Variants in SOX5 observed in about 807,000 individuals in gnomAD.
SOX5 encodes SRY-box transcription factor 5.
In SOX5, 9 loss-of-function variants were observed where a neutral mutation model predicts 92.0. The observed-to-expected ratio is 0.10, with a 90% confidence interval of 0.06 to 0.17. The LOEUF is 0.17. Ranked by LOEUF, SOX5 falls within the 10% of genes least tolerant of loss-of-function variation. SOX5 has a pLI of 1.00. For missense variants in SOX5, 642 were observed against 944.5 expected (o/e 0.68, Z 4.20); for synonymous variants, 344 against 336.3 (o/e 1.02, Z -0.25).
intron 4 of SOX5, among the ~76,000 whole-genome samples, chr12:24,104,472 A>C (rs1268429362): frequency 6.6e-6 from 1 of 152,070 alleles, no homozygotes; most frequent in Non-Finnish European, 1.5e-5. Flanking sequence ...AATTTGAAAA[A>C]CCTCTAAAAA....
At chr12:24,002,901 C>T (rs1370198968) in intron 4 of SOX5, among the ~76,000 whole-genome samples, 1 of 148,142 alleles carries the variant, frequency 6.8e-6, no homozygotes, top group Non-Finnish European at 1.5e-5. Flanking sequence ...AAATATTCAT[C>T]ATGTATATAG....
At chr12:24,240,960 T>C (rs2140060789) in intron 3 of SOX5, among the ~76,000 whole-genome samples, 2 of 152,324 alleles carry the variant, frequency 1.3e-5, no homozygotes, top group East Asian at 3.9e-4. Flanking sequence ...GGTTCCTAAA[T>C]CTTTTCATGA....
At chr12:23,964,786 C>T (rs1415649502) in intron 4 of SOX5, among the ~76,000 whole-genome samples, 1 of 152,188 alleles carries the variant, frequency 6.6e-6, no homozygotes, top group Non-Finnish European at 1.5e-5. Flanking sequence ...CATATAAATA[C>T]ATATATATGG....
chr12:24,316,210 A>G (rs375389544), intron 2 of SOX5, among the ~76,000 whole-genome samples: 2 of 152,288 alleles, frequency 1.3e-5, no homozygotes. Context: ...ATCTTTAGCT[A>G]TATCTTTAGA....
chr12:23,750,213 G>C (rs2094138746), intron 4 of SOX5, among the ~76,000 whole-genome samples: 1 of 151,910 alleles, frequency 6.6e-6, no homozygotes, highest in Non-Finnish European at 1.5e-5. Context: ...TGTGGTGTCT[G>C]ATAATTAATT....
At chr12:23,953,919 T>C (rs1336269976), upstream of SOX5, among the ~76,000 whole-genome samples, 2 of 152,144 alleles carry the variant, frequency 1.3e-5, no homozygotes, top group East Asian at 1.9e-4. Flanking sequence ...GTTGTTTCCA[T>C]TGCAGATATA....
intron 3 of SOX5, among the ~76,000 whole-genome samples, chr12:24,219,229 T>C (rs1959803242): frequency 6.6e-6 from 1 of 152,070 alleles, no homozygotes; most frequent in Non-Finnish European, 1.5e-5. Flanking sequence ...GAATAAGATC[T>C]AGTGTTTGGT....
intron 4 of SOX5, among the ~76,000 whole-genome samples, chr12:24,026,206 G>A (rs180904514): frequency 2.0e-4 from 30 of 152,120 alleles, no homozygotes; most frequent in African/African-American, 6.3e-4. Context: ...GGGTAACCAC[G>A]GGAGTGAAGG....
chr12:24,455,363 T>C (rs959022677), intron 1 of SOX5, among the ~76,000 whole-genome samples: 2 of 152,230 alleles, frequency 1.3e-5, no homozygotes, highest in African/African-American at 4.8e-5. Context: ...TATTATTTTT[T>C]AGATGTCTCA....
At chr12:23,842,737 G>A (rs552986438) in intron 3 of SOX5, among the ~76,000 whole-genome samples, 25 of 152,058 alleles carry the variant, frequency 1.6e-4, no homozygotes, top group Non-Finnish European at 3.4e-4. Flanking sequence ...ATAAATATTC[G>A]TGAATTCATA....
chr12:24,247,848 T>C (rs1000470823), intron 3 of SOX5, among the ~76,000 whole-genome samples: 4 of 151,886 alleles, frequency 2.6e-5, no homozygotes, highest in Admixed American at 2.0e-4. Context: ...GAGACGGGGT[T>C]TCACCATGTT....
At chr12:24,127,113 C>T (rs576949493) in intron 4 of SOX5, among the ~76,000 whole-genome samples, 1 of 152,032 alleles carries the variant, frequency 6.6e-6, no homozygotes, top group African/African-American at 2.4e-5. Flanking sequence ...TGATGCCAGG[C>T]ACAGTGGCTC....
intron 4 of SOX5, among the ~76,000 whole-genome samples, chr12:23,968,466 A>T (rs1328153324): frequency 1.3e-5 from 2 of 152,152 alleles, no homozygotes; most frequent in African/African-American, 4.8e-5. Flanking sequence ...TCATGAATGG[A>T]TTAATGCTGT....
chr12:24,026,161 GGCTCTTTT>G (rs1213955407), intron 4 of SOX5, among the ~76,000 whole-genome samples: 2 of 151,994 alleles, frequency 1.3e-5, no homozygotes, highest in African/African-American at 4.8e-5. Flanking sequence ...TTGGCAGTTT[GGCTCTTTT>G]GCTTCCTAAA....
intron 7 of SOX5, among the ~76,000 whole-genome samples, chr12:23,648,817 G>T (rs979824535): frequency 4.7e-4 from 71 of 152,182 alleles, no homozygotes; most frequent in African/African-American, 1.7e-3. Flanking sequence ...CAATATATTT[G>T]GTGTCTAAGT....
chr12:23,968,940 C>A (rs1010268280), intron 4 of SOX5, among the ~76,000 whole-genome samples: 1 of 152,144 alleles, frequency 6.6e-6, no homozygotes, highest in African/African-American at 2.4e-5. Flanking sequence ...AAGACTATTT[C>A]TATTTCAGAC....
chr12:23,995,066 C>CTT (rs774432439), intron 4 of SOX5, among the ~76,000 whole-genome samples: 48 of 152,304 alleles, frequency 3.2e-4, no homozygotes, highest in Middle Eastern at 3.4e-3. Context: ...GTCCCTGGTG[C>CTT]TTCTAAGCAC....
chr12:24,437,613 A>C (rs911159693), intron 1 of SOX5, among the ~76,000 whole-genome samples: 1 of 152,232 alleles, frequency 6.6e-6, no homozygotes, highest in Admixed American at 6.5e-5. Flanking sequence ...ACCCCATCAA[A>C]AAGTGGGTGA....
intron 6 of SOX5, among the ~76,000 whole-genome samples, chr12:23,720,244 T>C (rs531000278): frequency 6.3e-4 from 96 of 152,292 alleles, no homozygotes; most frequent in African/African-American, 2.2e-3. Context: ...GAAAGAAGCC[T>C]AATAAATACC....
Sources: allele counts gnomAD v4.1 joint callset (sites outside exome capture counted in the v4.1 genomes callset), GRCh38; gene constraint gnomAD v4.1.1; transcripts MANE v1.5; gene names NCBI Gene and HGNC (gene_info 2026-07-23, HGNC 2026-07-21).